The following ERBB4 variants were observed in gnomAD, a reference collection of about 807,000 sequenced individuals.
ERBB4 encodes receptor tyrosine-protein kinase erbB-4.
ERBB4 carries 42 observed loss-of-function variants against 158.0 expected under a neutral mutation model. That is an observed-to-expected ratio of 0.27 (90% CI 0.21 to 0.34). The LOEUF (loss-of-function observed/expected upper bound fraction) is 0.34, where lower values mean the gene tolerates loss of function less well. ERBB4 is among the 10% of genes least tolerant of loss of function. The probability of loss-of-function intolerance (pLI) is 1.00; values close to 1 mark genes in which losing one functional copy is unlikely to be tolerated. For missense variants in ERBB4, 1,333 were observed against 1,624.1 expected, an observed-to-expected ratio of 0.82 and a Z score of 3.08; for synonymous variants, 583 against 558.7, an observed-to-expected ratio of 1.04 and a Z score of -0.61.
intron 1 of ERBB4, among the ~76,000 whole-genome samples, chr2:212,319,007 C>T (rs982197385): frequency 7.9e-5 from 12 of 151,512 alleles, no homozygotes; most frequent in Non-Finnish European, 1.2e-4. Context: ...ACCACACTTT[C>T]AATCCAAATT....
At chr2:212,358,171 A>G (rs1475617481) in intron 1 of ERBB4, among the ~76,000 whole-genome samples, 1 of 151,894 alleles carries the variant, frequency 6.6e-6, no homozygotes, top group Admixed American at 6.6e-5. Flanking sequence ...TTTTAAAAAG[A>G]ACTATTTAAA....
chr2:211,578,553 A>T (rs2067962367), intron 19 of ERBB4, among the ~76,000 whole-genome samples: 1 of 152,192 alleles, frequency 6.6e-6, no homozygotes, highest in Non-Finnish European at 1.5e-5. Context: ...ACTTCAAACT[A>T]TATTACAAGG....
At chr2:212,409,861 A>ATCAC (rs2091448319) in intron 1 of ERBB4, among the ~76,000 whole-genome samples, 1 of 152,120 alleles carries the variant, frequency 6.6e-6, no homozygotes, top group African/African-American at 2.4e-5. Flanking sequence ...CTCATAATAC[A>ATCAC]TCACATCAAA....
At position 212,538,688 on chromosome 2, in the gene ERBB4, G is replaced by A; in HGVS notation, c.-158C>T. On this transcript the variant is annotated 5_prime_UTR_variant, in exon 1 of 28. Transcript: ENST00000342788. The stretch of plus-strand genomic sequence containing the variant: ...GTGGCGACTCCCAGGGCGGGCGACC[G>A]AGTCCGCGCCCGCGGGTCCAGGGCC... 1.9e-6 allele frequency: 1 copy of A among 523,056 alleles called. No homozygotes were observed. The highest frequency in any genetic ancestry group is 3.1e-6 in the Non-Finnish European group (1 of 319,850). The allele number at this position is 523,056 out of a possible 1,614,324, so 32.4% of individuals were successfully genotyped here. A position where few individuals can be genotyped will look rare whatever the true frequency, so the allele number is the denominator to read the frequency against.
At chr2:211,490,588 C>T (rs957507505) in intron 20 of ERBB4, among the ~76,000 whole-genome samples, 3 of 151,988 alleles carry the variant, frequency 2.0e-5, no homozygotes, top group African/African-American at 4.8e-5. Context: ...GAGAGACTTT[C>T]AGAAGCTATG....
At chr2:212,021,193 A>C (rs1269312098) in intron 2 of ERBB4, among the ~76,000 whole-genome samples, 3 of 152,142 alleles carry the variant, frequency 2.0e-5, no homozygotes, top group Non-Finnish European at 4.4e-5. Context: ...TACGATGATA[A>C]AAATAATTAG....
Position 212,415,979 on chromosome 2 carries a change from C to T in ERBB4, c.82+122470G>A, listed in dbSNP as rs539061006. The stretch of plus-strand genomic sequence containing the variant: ...AATAAAAACATGAAGCCCCTTATTT[C>T]TTGAACTAAGAATTTCAAGACAGCA... On this transcript the variant is annotated intron_variant, in intron 1 of 27. Transcript: ENST00000342788. Among the ~76,000 whole-genome samples the T allele has an allele frequency of 2.0e-5, 3 of 152,218 alleles. No individual in the cohort carries two copies. The East Asian group carries it at 5.8e-4, about 29-fold the overall frequency.
At chr2:212,128,734 C>A (rs2080018392) in intron 1 of ERBB4, among the ~76,000 whole-genome samples, 1 of 152,120 alleles carries the variant, frequency 6.6e-6, no homozygotes, top group Non-Finnish European at 1.5e-5. Context: ...AATGAAATTA[C>A]AGTATCATTC....
rs371142780 is a variant in ERBB4, at chr2:212,306,993, A to T, written c.83-182090T>A. Reference sequence around the variant, plus strand: ...CATTATTCCTGAAATACTTCCAAAAACCATTTGAGAGAGTTTAAAATGAAA... The same window carrying T: ...CATTATTCCTGAAATACTTCCAAAATCCATTTGAGAGAGTTTAAAATGAAA... On this transcript the variant is annotated intron_variant, in intron 1 of 27. Coordinates refer to ENST00000342788, the MANE Select transcript of ERBB4 (RefSeq NM_005235.3). Among the ~76,000 whole-genome samples, 19 of 151,470 alleles carry T rather than the reference A, an allele frequency of 1.3e-4. No individual in the cohort carries two copies. The East Asian group carries it at 3.5e-3, about 28-fold the overall frequency.
At position 211,711,100 on chromosome 2, in the gene ERBB4, A is replaced by G. The variant is rs573844022; in HGVS notation, c.1124+950T>C. On this transcript the variant is annotated intron_variant, in intron 9 of 27. Transcript: ENST00000342788. ...GCAGCTACATACATACTATTATACT[A>G]TCTAACATGGGGCTGTATTAAAAGC... Among the ~76,000 whole-genome samples the G allele has an allele frequency of 7.2e-5, 11 of 152,202 alleles. No homozygotes were observed. The East Asian group carries it at 1.9e-3, about 27-fold the overall frequency.
intron 1 of ERBB4, among the ~76,000 whole-genome samples, chr2:212,334,333 G>A (rs1040461727): frequency 1.3e-5 from 2 of 151,820 alleles, no homozygotes; most frequent in Non-Finnish European, 2.9e-5. Flanking sequence ...AATCTCTATA[G>A]CACAAGACAT....
chr2:211,684,041 T>C (rs2072463093), intron 12 of ERBB4, among the ~76,000 whole-genome samples: 1 of 152,214 alleles, frequency 6.6e-6, no homozygotes, highest in Non-Finnish European at 1.5e-5. Context: ...ATTTCGTTTA[T>C]TTATTTATTT....
intron 1 of ERBB4, among the ~76,000 whole-genome samples, chr2:212,135,069 T>C (rs190449066): frequency 0.014 from 2,125 of 152,296 alleles, 23 homozygotes; most frequent in South Asian, 0.025. Flanking sequence ...TTTGTACCTA[T>C]GGAAGACATA....
intron 3 of ERBB4, among the ~76,000 whole-genome samples, chr2:211,799,960 A>G (rs1559528948): frequency 6.6e-6 from 1 of 152,202 alleles, no homozygotes; most frequent in Non-Finnish European, 1.5e-5. Context: ...TTAAAAAAAT[A>G]TATTTTAACC....
At chr2:211,831,903 C>CAA (rs5838287) in intron 3 of ERBB4, among the ~76,000 whole-genome samples, 63 of 146,902 alleles carry the variant, frequency 4.3e-4, no homozygotes, top group Admixed American at 2.0e-3. Context: ...GACTCTGTCT[C>CAA]AAAAAAAAAA....
chr2:211,734,620 T>TAA (rs34036811), intron 5 of ERBB4, among the ~76,000 whole-genome samples: 1,673 of 102,308 alleles, frequency 0.016, 64 homozygotes, highest in Middle Eastern at 0.036. Context: ...GCTGTAGCAT[T>TAA]AAAAAAAAAA....
intron 1 of ERBB4, among the ~76,000 whole-genome samples, chr2:212,400,826 C>T (rs1410934696): frequency 6.6e-6 from 1 of 152,090 alleles, no homozygotes; most frequent in Admixed American, 6.6e-5. Context: ...AAAGATATAA[C>T]TCTTGAAAGA....
Position 211,479,518 on chromosome 2 carries a change from T to A in ERBB4, c.2488-48418A>T, listed in dbSNP as rs151270318. ...ATCCATGTGTAAATTTTCTAAATTA[T>A]AGATCCACAGCACAAAGCATGGTGT... On this transcript the variant is annotated intron_variant, in intron 20 of 27. Transcript: ENST00000342788. 4.8e-3 allele frequency among the ~76,000 whole-genome samples: 732 copies of A among 152,318 alleles called. 7 individuals are homozygous for A. Among genetic ancestry groups the A allele is most frequent in the African/African-American group, 0.017 (696 of 41,576 alleles).
chr2:212,059,214 C>A (rs2077679474), intron 2 of ERBB4, among the ~76,000 whole-genome samples: 1 of 152,070 alleles, frequency 6.6e-6, no homozygotes, highest in Admixed American at 6.5e-5. Flanking sequence ...GAATAAAACA[C>A]CTAGGAATCC....
Sources: allele counts gnomAD v4.1 joint callset (sites outside exome capture counted in the v4.1 genomes callset), GRCh38; gene constraint gnomAD v4.1.1; transcripts MANE v1.5; gene names NCBI Gene and HGNC (gene_info 2026-07-23, HGNC 2026-07-21).